Variants in ZFHX3 observed in about 807,000 individuals in gnomAD.
The protein encoded by ZFHX3 is zinc finger homeobox 3, also known as zinc finger homeobox protein 3.
ZFHX3 carries 42 observed loss-of-function variants against 279.1 expected under a neutral mutation model. The observed-to-expected ratio is 0.15, with a 90% CI of 0.12 to 0.19. The LOEUF is 0.19. ZFHX3 is among the 10% of genes least tolerant of loss of function. ZFHX3 has a pLI of 1.00. For synonymous variants in ZFHX3, 2,293 were observed against 1,957.8 expected, an observed-to-expected ratio of 1.17 and a Z score of -4.52; for missense variants, 4,981 against 4,754.0, an observed-to-expected ratio of 1.05 and a Z score of -1.40.
chr16:73,457,588 C>T (rs536425895), intron 2 of ZFHX3, among the ~76,000 whole-genome samples: 1 of 152,232 alleles, frequency 6.6e-6, no homozygotes, highest in South Asian at 2.1e-4. Context: ...GCCTGACCAA[C>T]ATGGTGAAAC....
intron 3 of ZFHX3, among the ~76,000 whole-genome samples, chr16:72,922,333 T>C (rs2039605758): frequency 6.6e-6 from 1 of 152,124 alleles, no homozygotes; most frequent in African/African-American, 2.4e-5. Context: ...ATCCCCGCAT[T>C]AGGACGGTGA....
rs1376669777 is a variant in ZFHX3, at chr16:73,142,810, C to G, written c.-1024+942G>C. On this transcript the variant is annotated intron_variant, in intron 6 of 17. Transcript: ENST00000641206. ...CTACCCTGTTTGAGAGTCATAATAT[C>G]CTTATAGGTCAGATACTACTATGTC... is the stretch of plus-strand genomic sequence containing the variant. Among the ~76,000 whole-genome samples, 3 of 152,272 alleles carry G rather than the reference C, an allele frequency of 2.0e-5. No individual in the cohort carries two copies. In the East Asian group the frequency reaches 5.8e-4, roughly 29 times the overall value.
chr16:73,489,958 C>T (rs1237725265), intron 2 of ZFHX3, among the ~76,000 whole-genome samples: 3 of 152,090 alleles, frequency 2.0e-5, no homozygotes, highest in Non-Finnish European at 4.4e-5. Context: ...AACAGTGTCT[C>T]CATTCATGCT....
intron 2 of ZFHX3, among the ~76,000 whole-genome samples, chr16:73,625,267 T>C (rs933839937): frequency 2.0e-5 from 3 of 152,218 alleles, no homozygotes; most frequent in African/African-American, 7.2e-5. Flanking sequence ...GCTGGTTATG[T>C]TTTCTGATAA....
intron 5 of ZFHX3, among the ~76,000 whole-genome samples, chr16:73,222,255 G>A (rs1013419541): frequency 6.6e-6 from 1 of 151,954 alleles, no homozygotes; most frequent in South Asian, 2.1e-4. Context: ...TAGCTTTAAA[G>A]TATTATTACT....
intron 2 of ZFHX3, among the ~76,000 whole-genome samples, chr16:73,670,151 T>C (rs1457233303): frequency 6.6e-6 from 1 of 152,214 alleles, no homozygotes; most frequent in African/African-American, 2.4e-5. Context: ...CTAAATATGT[T>C]TTCCTGAGAA....
chr16:73,034,214 C>T (rs1337744407), intron 1 of ZFHX3, among the ~76,000 whole-genome samples: 1 of 152,178 alleles, frequency 6.6e-6, no homozygotes, highest in East Asian at 1.9e-4. Flanking sequence ...CATTTCTCCT[C>T]CTCCAATGGG....
At chr16:73,752,129 C>A (rs776683187) in intron 1 of ZFHX3, among the ~76,000 whole-genome samples, 1 of 151,930 alleles carries the variant, frequency 6.6e-6, no homozygotes, top group Non-Finnish European at 1.5e-5. Flanking sequence ...ATCCATGGTG[C>A]CATTTATACG....
At chr16:73,716,004 C>T (rs1344478377) in intron 1 of ZFHX3, among the ~76,000 whole-genome samples, 1 of 152,186 alleles carries the variant, frequency 6.6e-6, no homozygotes, top group Non-Finnish European at 1.5e-5. Context: ...TGCTCCATTT[C>T]CCTAACCCTA....
intron 1 of ZFHX3, among the ~76,000 whole-genome samples, chr16:73,770,711 G>A (rs952920076): frequency 3.9e-5 from 6 of 152,132 alleles, no homozygotes; most frequent in African/African-American, 7.2e-5. Context: ...ATTTTCTTAC[G>A]ACATCTCCAA....
At chr16:73,778,843 G>A (rs1401132467) in intron 1 of ZFHX3, among the ~76,000 whole-genome samples, 1 of 152,184 alleles carries the variant, frequency 6.6e-6, no homozygotes, top group East Asian at 1.9e-4. Flanking sequence ...TGCCTGAGCC[G>A]AAGAAAAGTC....
At position 72,959,889 on chromosome 16, in the gene ZFHX3, G is replaced by T; in HGVS notation, c.257C>A (p.Ala86Asp). 1 of 1,603,426 alleles carries T rather than the reference G, an allele frequency of 6.2e-7. No individual in the cohort carries two copies. The highest frequency in any genetic ancestry group is 8.5e-7 in the Non-Finnish European group (1 of 1,173,786). ...SKEVTCNECSASFASLQTYME... is the reference protein window; with the variant it reads ...SKEVTCNECSDSFASLQTYME... The stretch of plus-strand genomic sequence containing the variant: ...GTAGGTCTGGAGGCTGGCAAAGGAG[G>T]CCGAACATTCGTTGCAGGTGACCTC... The change falls in exon 2 of 10, where the codon GCC (alanine) becomes GAC (aspartate). Residue 86 changes from alanine (A) to aspartate (D), a missense_variant. Physicochemically the swap from Ala to Asp is moderately radical, Grantham distance 126. This residue lies in a region of ZFHX3 where 1,068 missense variants were observed against 935.2 expected (regional missense o/e 1.14). Coordinates refer to ENST00000268489, the MANE Select transcript of ZFHX3 (RefSeq NM_006885.4).
chr16:73,290,941 C>G (rs1218006856), intron 4 of ZFHX3, among the ~76,000 whole-genome samples: 1 of 152,144 alleles, frequency 6.6e-6, no homozygotes, highest in Non-Finnish European at 1.5e-5. Context: ...GAAAACATGG[C>G]CTTGGGAAAA....
chr16:73,410,273 A>G (rs1018521503), intron 3 of ZFHX3, among the ~76,000 whole-genome samples: 1 of 152,082 alleles, frequency 6.6e-6, no homozygotes, highest in African/African-American at 2.4e-5. Flanking sequence ...AAAATTAGCT[A>G]GGCGTGGTAG....
At chr16:73,435,354 G>A (rs117971448) in intron 3 of ZFHX3, among the ~76,000 whole-genome samples, 3,473 of 152,132 alleles carry the variant, frequency 0.023, 78 homozygotes, top group Middle Eastern at 0.037. Flanking sequence ...GACTACATGC[G>A]CCCACTACCA....
At chr16:73,698,029 A>G (rs1227022778) in intron 1 of ZFHX3, among the ~76,000 whole-genome samples, 1 of 152,108 alleles carries the variant, frequency 6.6e-6, no homozygotes, top group African/African-American at 2.4e-5. Flanking sequence ...ATAAGAGACA[A>G]CTCAAAAAGA....
chr16:73,810,362 T>C (rs1431755679), intron 1 of ZFHX3, among the ~76,000 whole-genome samples: 9 of 152,190 alleles, frequency 5.9e-5, no homozygotes, highest in Admixed American at 5.9e-4. Flanking sequence ...CCTATTTGCA[T>C]AGAAAGTTTA....
intron 1 of ZFHX3, among the ~76,000 whole-genome samples, chr16:73,853,601 T>A (rs1227859292): frequency 6.6e-6 from 1 of 152,202 alleles, no homozygotes; most frequent in Non-Finnish European, 1.5e-5. Flanking sequence ...TACTGCATGT[T>A]CTCACTTATA....
At chr16:73,284,316 CAAAAAAAAA>C (rs71156152) in intron 4 of ZFHX3, among the ~76,000 whole-genome samples, 1 of 83,306 alleles carries the variant, frequency 1.2e-5, no homozygotes, top group African/African-American at 4.8e-5. Context: ...GACTCTGTCT[CAAAAAAAAA>C]AAAAAAAAAA....
Sources: allele counts gnomAD v4.1 joint callset (sites outside exome capture counted in the v4.1 genomes callset), GRCh38; gene constraint gnomAD v4.1.1; regional missense constraint gnomAD v4.1.1; transcripts MANE v1.5; gene names NCBI Gene and HGNC (gene_info 2026-07-23, HGNC 2026-07-21).